The following SLCO1A2 variants were observed in gnomAD, a reference collection of about 807,000 sequenced individuals.
The protein encoded by SLCO1A2 is solute carrier organic anion transporter family member 1A2, also known as OATP-1.
SLCO1A2 carries 67 observed loss-of-function variants against 69.0 expected under a neutral mutation model. The observed-to-expected ratio is 0.97, with a 90% CI of 0.80 to 1.19. The LOEUF (loss-of-function observed/expected upper bound fraction) is 1.19, where lower values mean the gene tolerates loss of function less well. Among genes scored for constraint, SLCO1A2 ranks in the 50% most tolerant of loss-of-function variants. SLCO1A2 has a pLI of 0.00. For synonymous variants in SLCO1A2, 260 were observed against 265.9 expected, an observed-to-expected ratio of 0.98 and a Z score of 0.22; for missense variants, 787 against 793.7, an observed-to-expected ratio of 0.99 and a Z score of 0.10.
At chr12:21,325,355 C>A (rs1406870741) in intron 2 of SLCO1A2, among the ~76,000 whole-genome samples, 2 of 152,170 alleles carry the variant, frequency 1.3e-5, no homozygotes, top group African/African-American at 4.8e-5. Context: ...GTTTAGACAT[C>A]TCAAATTTCA....
At chr12:21,400,526 G>A (rs1941654338) in intron 1 of SLCO1A2, among the ~76,000 whole-genome samples, 1 of 151,504 alleles carries the variant, frequency 6.6e-6, no homozygotes, top group Non-Finnish European at 1.5e-5. Context: ...CCCATTACTG[G>A]GTATATACCC....
At chr12:21,279,893 CACAG>C (rs1332356800) in intron 12 of SLCO1A2, among the ~76,000 whole-genome samples, 1 of 151,598 alleles carries the variant, frequency 6.6e-6, no homozygotes, top group African/African-American at 2.4e-5. Flanking sequence ...CTTTTCAAGA[CACAG>C]ACAGTAAAAT....
chr12:21,290,001 T>A (rs1382170648), intron 12 of SLCO1A2, among the ~76,000 whole-genome samples: 1 of 147,444 alleles, frequency 6.8e-6, no homozygotes, highest in South Asian at 2.1e-4. Context: ...AACCGTTTGT[T>A]TTTCTCAGTG....
At chr12:21,314,516 G>T (rs1950624901) in intron 4 of SLCO1A2, 33 bp downstream of exon 4, 1 of 1,611,010 alleles carries the variant, frequency 6.2e-7, no homozygotes, top group South Asian at 1.1e-5. Context: ...AGTGAAATTT[G>T]ACCACCCAAA....
At chr12:21,395,306 T>A (rs1941392738) in exon 1 of SLCO1A2, 1 of 153,182 alleles carries the variant, frequency 6.5e-6, no homozygotes, top group African/African-American at 2.4e-5. Context: ...AATACTGCGC[T>A]CTTCCAACAG....
intron 12 of SLCO1A2, among the ~76,000 whole-genome samples, chr12:21,282,128 A>T (rs1944907056): frequency 6.6e-6 from 1 of 151,916 alleles, no homozygotes; most frequent in East Asian, 1.9e-4. Flanking sequence ...AGAAAAAAAA[A>T]AAAAAGGAAA....
In SLCO1A2 at chr12:21,306,881, C is replaced by A. The variant is rs1949476183; in HGVS notation, c.442+1G>T. On this transcript the variant is annotated splice_donor_variant, in intron 5 of 14. Transcript: ENST00000683939. LOFTEE classifies it high-confidence loss of function. ...AAAATCAATACAATGAAGTAGACAA[C>A]CTGATGGATCCTGCGTTGGTCTTAA... 1.9e-6 allele frequency: 3 copies of A among 1,608,968 alleles called. No individual in the cohort carries two copies. Among genetic ancestry groups the A allele is most frequent in the Non-Finnish European group, 2.6e-6 (3 of 1,175,690 alleles).
chr12:21,270,790 G>C (rs865967461), intron 14 of SLCO1A2, among the ~76,000 whole-genome samples: 4 of 151,382 alleles, frequency 2.6e-5, no homozygotes, highest in Non-Finnish European at 5.9e-5. Context: ...CTATGTAAGT[G>C]TTATAATATC....
intron 1 of SLCO1A2, among the ~76,000 whole-genome samples, chr12:21,385,652 C>T (rs747288104): frequency 2.6e-4 from 40 of 152,164 alleles, no homozygotes; most frequent in Non-Finnish European, 4.1e-4. Flanking sequence ...GGCTTTGAGA[C>T]CCATATACAT....
upstream of SLCO1A2, among the ~76,000 whole-genome samples, chr12:21,399,853 T>G (rs1439502791): frequency 6.9e-6 from 1 of 145,804 alleles, no homozygotes; most frequent in East Asian, 2.0e-4. Context: ...ATCCCTTCCT[T>G]ACACCTTATA....
intron 2 of SLCO1A2, among the ~76,000 whole-genome samples, chr12:21,327,682 T>C (rs1359393861): frequency 6.6e-6 from 1 of 152,222 alleles, no homozygotes; most frequent in African/African-American, 2.4e-5. Context: ...TTCTTCATTT[T>C]GGTTAATTTT....
chr12:21,284,405 T>C (rs937127508), intron 12 of SLCO1A2, among the ~76,000 whole-genome samples: 15 of 152,050 alleles, frequency 9.9e-5, no homozygotes, highest in African/African-American at 3.6e-4. Context: ...CCAATACTGA[T>C]GGGAGACTTT....
intron 1 of SLCO1A2, among the ~76,000 whole-genome samples, chr12:21,408,725 T>C (rs1941862739): frequency 2.0e-5 from 2 of 99,376 alleles, no homozygotes; most frequent in African/African-American, 7.3e-5. Context: ...TGTGTGTGTG[T>C]GTGTGTGTGT....
At chr12:21,334,209 A>G (rs974170176) in intron 2 of SLCO1A2, among the ~76,000 whole-genome samples, 16 of 152,112 alleles carry the variant, frequency 1.1e-4, no homozygotes, top group Non-Finnish European at 4.4e-5. Context: ...AAATCAACAA[A>G]GCATTTCTGT....
chr12:21,347,620 G>T (rs924147245), intron 2 of SLCO1A2, among the ~76,000 whole-genome samples: 34 of 145,268 alleles, frequency 2.3e-4, no homozygotes, highest in Non-Finnish European at 6.0e-5. Flanking sequence ...ACTGCAGCCT[G>T]GGTGAAAGAG....
At chr12:21,393,241 A>C (rs1245844155) in intron 1 of SLCO1A2, among the ~76,000 whole-genome samples, 1 of 152,228 alleles carries the variant, frequency 6.6e-6, no homozygotes, top group African/African-American at 2.4e-5. Context: ...ACCTTCTATC[A>C]ATCTAGCAAT....
intron 1 of SLCO1A2, chr12:21,379,627 T>C (rs1940460201): frequency 6.6e-6 from 1 of 152,220 alleles, no homozygotes; most frequent in Non-Finnish European, 1.5e-5. Context: ...CAGATTCTTA[T>C]GAATATCTGC....
At chr12:21,382,191 G>C (rs1178314852) in intron 1 of SLCO1A2, among the ~76,000 whole-genome samples, 1 of 152,178 alleles carries the variant, frequency 6.6e-6, no homozygotes, top group South Asian at 2.1e-4. Context: ...CTTGGATGGA[G>C]CTGGAGACCA....
chr12:21,404,988 C>T (rs1315517978), intron 1 of SLCO1A2, among the ~76,000 whole-genome samples: 5 of 151,780 alleles, frequency 3.3e-5, no homozygotes, highest in African/African-American at 9.7e-5. Flanking sequence ...TAATGATCAG[C>T]GATGTTGAAC....
Sources: gnomAD v4.1 joint callset for allele counts (sites outside exome capture counted in the v4.1 genomes callset) on GRCh38, gnomAD v4.1.1 for gene constraint, MANE v1.5 for transcripts, NCBI Gene and HGNC (gene_info 2026-07-23, HGNC 2026-07-21) for gene names.